GRIK4: variants seen among roughly 807,000 people sequenced by gnomAD.
GRIK4 encodes the protein glutamate ionotropic receptor kainate type subunit 4.
A neutral mutation model predicts 104.9 loss-of-function variants in GRIK4; 40 were observed. The observed-to-expected ratio is 0.38, with a 90% confidence interval of 0.30 to 0.50. The LOEUF (loss-of-function observed/expected upper bound fraction) is 0.50. Among genes scored for constraint, GRIK4 ranks in the 20% least tolerant of loss-of-function variants. GRIK4 has a pLI of 0.93. For synonymous variants in GRIK4, 485 were observed against 524.9 expected (o/e 0.92, Z 1.04); for missense variants, 1,047 against 1,308.1 (o/e 0.80, Z 3.08).
At position 120,513,090 on chromosome 11, in the gene GRIK4, C is replaced by A. The variant is rs921296397; in HGVS notation, c.-159+1203C>A. Among the ~76,000 whole-genome samples the A allele has an allele frequency of 2.0e-5, 3 of 152,108 alleles. No individual in the cohort carries two copies. Among genetic ancestry groups the A allele is most frequent in the African/African-American group, 7.2e-5 (3 of 41,434 alleles). Reference sequence around the variant, plus strand: ...TCCAGTGGCTCTCCTGGGCATGTCTCCCAAGGGTCTGGGTTGTCTGGGAAG... The same window carrying A: ...TCCAGTGGCTCTCCTGGGCATGTCTACCAAGGGTCTGGGTTGTCTGGGAAG... On this transcript the variant is annotated intron_variant, in intron 1 of 20. Transcript: ENST00000527524. This position sits in a 1 kb window ranked among gnomAD's most constrained non-coding sequence, Gnocchi z 4.5.
chr11:120,825,266 C>A (rs1375296913), intron 6 of GRIK4, among the ~76,000 whole-genome samples: 1 of 152,164 alleles, frequency 6.6e-6, no homozygotes, highest in African/African-American at 2.4e-5. Flanking sequence ...GGTTACATGG[C>A]CTGTGTCCCC....
chr11:120,698,475 C>A (rs1950493283), intron 3 of GRIK4, among the ~76,000 whole-genome samples: 1 of 152,228 alleles, frequency 6.6e-6, no homozygotes, highest in Non-Finnish European at 1.5e-5. Context: ...ACTATGGCTG[C>A]CCCTTGAGTG....
chr11:120,743,759 A>T (rs1951381902), intron 3 of GRIK4, among the ~76,000 whole-genome samples: 1 of 152,090 alleles, frequency 6.6e-6, no homozygotes, highest in South Asian at 2.1e-4. Context: ...CTTTTTGAAA[A>T]TTTTTTTCAC....
At chr11:120,613,540 G>A (rs558364725) in intron 1 of GRIK4, among the ~76,000 whole-genome samples, 46 of 152,318 alleles carry the variant, frequency 3.0e-4, no homozygotes, top group African/African-American at 9.9e-4. Context: ...GGCAGCACAC[G>A]GAGTGTGCAT....
At chr11:120,851,029 T>A (rs1055806027) in intron 8 of GRIK4, among the ~76,000 whole-genome samples, 23 of 152,096 alleles carry the variant, frequency 1.5e-4, no homozygotes, top group African/African-American at 5.1e-4. Context: ...CCCATCCCAC[T>A]GAAGCCTCCA....
chr11:120,937,190 C>A (rs186431551), intron 13 of GRIK4, among the ~76,000 whole-genome samples: 1 of 152,124 alleles, frequency 6.6e-6, no homozygotes, highest in African/African-American at 2.4e-5. Context: ...AGACGTGCAC[C>A]ACCATGCCCA....
rs181688130 is a variant in GRIK4, at chr11:120,599,512, T to C, written c.-158-54173T>C. ...TGAAGACCAGAGGGTTTTAGGCCCT[T>C]TGAAGGAAGGAACGGTTCAGAAGAA... On this transcript the variant is annotated intron_variant, in intron 1 of 20. Transcript: ENST00000527524. Among the ~76,000 whole-genome samples the C allele has an allele frequency of 3.9e-5, 6 of 152,330 alleles. No individual in the cohort carries two copies. The East Asian group carries it at 1.2e-3, about 29-fold the overall frequency.
At chr11:120,534,867 C>A (rs896595840) in intron 1 of GRIK4, among the ~76,000 whole-genome samples, 7 of 152,130 alleles carry the variant, frequency 4.6e-5, no homozygotes, top group Non-Finnish European at 1.5e-5. Flanking sequence ...GGACACTCAG[C>A]AGGGATGAAG....
At chr11:120,863,131 G>A (rs542297806) in intron 9 of GRIK4, among the ~76,000 whole-genome samples, 1 of 152,308 alleles carries the variant, frequency 6.6e-6, no homozygotes, top group East Asian at 1.9e-4. Flanking sequence ...TTGCCACGCT[G>A]TACTGTAATT....
chr11:120,684,342 GAAATC>G (rs1355725927), intron 3 of GRIK4, among the ~76,000 whole-genome samples: 2 of 152,120 alleles, frequency 1.3e-5, no homozygotes, highest in Non-Finnish European at 2.9e-5. Flanking sequence ...AAAAAGGAAA[GAAATC>G]AAAGCGAAAC....
chr11:120,580,209 TTC>T (rs1193944498), intron 1 of GRIK4, among the ~76,000 whole-genome samples: 33 of 120,270 alleles, frequency 2.7e-4, no homozygotes, highest in African/African-American at 1.3e-3. Flanking sequence ...CTTTCTTTCT[TTC>T]TTTCTTTCTT....
rs908208867 is a variant in GRIK4, at chr11:120,952,125, A to G, written c.1591-730A>G. ...TGCCCAGGATTCCATTCCTGGCTCC[A>G]TTGTCTGGCTCACAGGACTCTGGCC... is the stretch of plus-strand genomic sequence containing the variant. On this transcript the variant is annotated intron_variant, in intron 14 of 20. Transcript: ENST00000527524. This position sits in a 1 kb window ranked among gnomAD's most constrained non-coding sequence, Gnocchi z 5.2. Among the ~76,000 whole-genome samples the G allele has an allele frequency of 1.3e-5, 2 of 152,114 alleles. No individual in the cohort carries two copies. Among genetic ancestry groups the G allele is most frequent in the African/African-American group, 4.8e-5 (2 of 41,408 alleles).
intron 8 of GRIK4, among the ~76,000 whole-genome samples, chr11:120,848,963 T>C (rs1239807886): frequency 6.6e-6 from 1 of 152,140 alleles, no homozygotes; most frequent in Non-Finnish European, 1.5e-5. Flanking sequence ...ACAGGGGATG[T>C]TGAGACCCTG....
intron 13 of GRIK4, among the ~76,000 whole-genome samples, chr11:120,906,510 G>A (rs943664207): frequency 1.3e-5 from 2 of 152,146 alleles, no homozygotes; most frequent in African/African-American, 2.4e-5. Context: ...GTGACTTGTC[G>A]GGAGCTATAC....
chr11:120,906,106 G>A (rs929538279), intron 13 of GRIK4, among the ~76,000 whole-genome samples: 2 of 152,182 alleles, frequency 1.3e-5, no homozygotes, highest in African/African-American at 4.8e-5. Flanking sequence ...GGTGAGCATT[G>A]GAGAATGTCA....
intron 1 of GRIK4, among the ~76,000 whole-genome samples, chr11:120,523,257 C>T (rs879503586): frequency 7.9e-5 from 12 of 151,316 alleles, no homozygotes; most frequent in Admixed American, 7.3e-4. Context: ...GTAAATAGGC[C>T]GGAACATGAG....
chr11:120,544,914 G>T (rs950206723), intron 1 of GRIK4, among the ~76,000 whole-genome samples: 3 of 152,202 alleles, frequency 2.0e-5, no homozygotes, highest in African/African-American at 7.2e-5. Flanking sequence ...GGGGACCTGA[G>T]GCTTGTTGAG....
rs915241231 is a variant in GRIK4, at chr11:120,613,352, G to T, written c.-158-40333G>T. Among the ~76,000 whole-genome samples the T allele has an allele frequency of 2.6e-5, 4 of 152,208 alleles. No individual in the cohort carries two copies. The South Asian group carries it at 6.2e-4, about 24-fold the overall frequency. Reference sequence around the variant, plus strand: ...CAGGTCTTGTCAATTCTTGTCCTGTGCTTTCTATACCCTTCAGCCAAGGGA... The same window carrying T: ...CAGGTCTTGTCAATTCTTGTCCTGTTCTTTCTATACCCTTCAGCCAAGGGA... On this transcript the variant is annotated intron_variant, in intron 1 of 20. Transcript: ENST00000527524.
intron 3 of GRIK4, among the ~76,000 whole-genome samples, chr11:120,705,163 T>G (rs1050433313): frequency 6.6e-6 from 1 of 152,194 alleles, no homozygotes; most frequent in African/African-American, 2.4e-5. Context: ...CAATGTTGTT[T>G]TGGCTGTTCA....
Sources: allele counts gnomAD v4.1 joint callset (sites outside exome capture counted in the v4.1 genomes callset), GRCh38; gene constraint gnomAD v4.1.1; non-coding constraint Gnocchi (gnomAD v3.1); transcripts MANE v1.5; gene names NCBI Gene and HGNC (gene_info 2026-07-23, HGNC 2026-07-21).